FILIP1L: variants seen among roughly 807,000 people sequenced by gnomAD.
FILIP1L encodes the protein filamin A interacting protein 1 like, also known as filamin A-interacting protein 1-like.
In FILIP1L, 55 loss-of-function variants were observed where a neutral mutation model predicts 96.6. That is an observed-to-expected ratio of 0.57 (90% CI 0.46 to 0.71). The LOEUF (loss-of-function observed/expected upper bound fraction) is 0.71. Among genes scored for constraint, FILIP1L ranks in the 30% least tolerant of loss-of-function variants. The pLI is 0.00. For missense variants in FILIP1L, 1,304 were observed against 1,321.2 expected, an observed-to-expected ratio of 0.99 and a Z score of 0.20; for synonymous variants, 467 against 473.9, an observed-to-expected ratio of 0.99 and a Z score of 0.19.
intron 5 of FILIP1L, among the ~76,000 whole-genome samples, chr3:99,846,873 G>T (rs1329424685): frequency 6.6e-6 from 1 of 152,174 alleles, no homozygotes; most frequent in Non-Finnish European, 1.5e-5. Flanking sequence ...TATGAGGTTA[G>T]AAAAAGGGAA....
intron 5 of FILIP1L, among the ~76,000 whole-genome samples, chr3:99,837,301 A>G (rs1256494551): frequency 1.3e-5 from 2 of 152,168 alleles, no homozygotes; most frequent in Admixed American, 6.5e-5. Flanking sequence ...GTTTTTAGTT[A>G]GCTCCTGTTT....
intron 1 of FILIP1L, among the ~76,000 whole-genome samples, chr3:99,950,086 G>A (rs1290132761): frequency 6.6e-6 from 1 of 152,158 alleles, no homozygotes; most frequent in East Asian, 1.9e-4. Context: ...GTGTCACTTA[G>A]TCACTTGGAA....
intron 3 of FILIP1L, among the ~76,000 whole-genome samples, chr3:99,925,224 T>C (rs1270491390): frequency 2.6e-5 from 4 of 152,174 alleles, no homozygotes; most frequent in African/African-American, 9.7e-5. Context: ...AGATAATCTA[T>C]TATGTGTTGG....
intron 1 of FILIP1L, among the ~76,000 whole-genome samples, chr3:99,976,814 A>G (rs1215558310): frequency 1.3e-5 from 2 of 151,970 alleles, no homozygotes; most frequent in Non-Finnish European, 2.9e-5. Flanking sequence ...AAGATGTTTG[A>G]CCATTATCTC....
At chr3:99,886,003 A>T (rs1021582314) in intron 4 of FILIP1L, among the ~76,000 whole-genome samples, 9 of 152,236 alleles carry the variant, frequency 5.9e-5, no homozygotes, top group African/African-American at 2.2e-4. Context: ...ACCTTTGTTG[A>T]TAATGTTTGT....
At chr3:100,041,728 G>C (rs2065207693) in intron 1 of FILIP1L, among the ~76,000 whole-genome samples, 1 of 152,188 alleles carries the variant, frequency 6.6e-6, no homozygotes, top group Non-Finnish European at 1.5e-5. Context: ...TGAAATGGAG[G>C]TATTTTATGT....
At chr3:99,869,927 A>AT (rs1457209371) in intron 4 of FILIP1L, among the ~76,000 whole-genome samples, 1 of 152,164 alleles carries the variant, frequency 6.6e-6, no homozygotes, top group East Asian at 1.9e-4. Context: ...GCTGCTTTAG[A>AT]TACAGTGATT....
At chr3:99,941,197 T>C (rs1268562678) in intron 1 of FILIP1L, among the ~76,000 whole-genome samples, 1 of 152,222 alleles carries the variant, frequency 6.6e-6, no homozygotes, top group Non-Finnish European at 1.5e-5. Context: ...CGTCTTTTTT[T>C]TTTAGACACA....
intron 1 of FILIP1L, among the ~76,000 whole-genome samples, chr3:99,970,460 A>C (rs919666765): frequency 6.6e-6 from 1 of 152,174 alleles, no homozygotes; most frequent in Non-Finnish European, 1.5e-5. Context: ...ATTCTCACAT[A>C]CTCTGTGCTT....
intron 1 of FILIP1L, among the ~76,000 whole-genome samples, chr3:100,092,784 T>C (rs767852125): frequency 6.6e-6 from 1 of 151,584 alleles, no homozygotes; most frequent in Admixed American, 6.6e-5. Flanking sequence ...TTCAGCATCC[T>C]TTAGAATTAA....
chr3:100,090,617 C>T (rs1286286236), intron 1 of FILIP1L, among the ~76,000 whole-genome samples: 2 of 152,178 alleles, frequency 1.3e-5, no homozygotes, highest in African/African-American at 4.8e-5. Context: ...CCAAAGCCTT[C>T]CTGGTGTTGC....
chr3:99,985,294 G>A (rs1484545054), intron 1 of FILIP1L, among the ~76,000 whole-genome samples: 1 of 152,108 alleles, frequency 6.6e-6, no homozygotes, highest in Non-Finnish European at 1.5e-5. Flanking sequence ...CACTTTGGTA[G>A]GCTGAGGTGG....
intron 3 of FILIP1L, among the ~76,000 whole-genome samples, chr3:99,929,097 C>G (rs1387309578): frequency 1.3e-5 from 2 of 152,138 alleles, no homozygotes; most frequent in East Asian, 3.8e-4. Context: ...CTAGTTGTTT[C>G]TTTTCTATAA....
chr3:99,986,616 A>G (rs190688296), intron 1 of FILIP1L, among the ~76,000 whole-genome samples: 3 of 152,112 alleles, frequency 2.0e-5, no homozygotes, highest in African/African-American at 7.2e-5. Context: ...CTGCACATGG[A>G]GAGAAGAAAT....
chr3:99,879,040 C>T (rs2107599388), intron 4 of FILIP1L, among the ~76,000 whole-genome samples: 1 of 152,230 alleles, frequency 6.6e-6, no homozygotes, highest in South Asian at 2.1e-4. Flanking sequence ...TTGTTCTGTC[C>T]AATTACTTTT....
chr3:100,098,579 CT>C (rs1290982167), intron 1 of FILIP1L, among the ~76,000 whole-genome samples: 3 of 152,188 alleles, frequency 2.0e-5, no homozygotes, highest in Admixed American at 2.0e-4. Context: ...TCGGCTCTTG[CT>C]GCTAATCAAT....
intron 4 of FILIP1L, among the ~76,000 whole-genome samples, chr3:99,875,150 A>T (rs1055117076): frequency 1.3e-5 from 2 of 152,204 alleles, no homozygotes; most frequent in East Asian, 3.8e-4. Context: ...AAGTTGACAT[A>T]ACCTTTTTAT....
rs532269590 is a variant in FILIP1L, at chr3:99,921,360, G to A, written c.605+2870C>T. ...ATTTAATACTACTTTGATGCACATG[G>A]CCTTAAAGCAGATAGAAGTCAGTTA... is the stretch of plus-strand genomic sequence containing the variant. On this transcript the variant is annotated intron_variant, in intron 4 of 5. Transcript: ENST00000477258. 1.5e-4 allele frequency among the ~76,000 whole-genome samples: 23 copies of A among 152,200 alleles called. No individual in the cohort carries two copies. The Middle Eastern group carries it at 0.01, about 68-fold the overall frequency.
At chr3:100,054,485 ATGTTT>A (rs1559741083) in intron 1 of FILIP1L, among the ~76,000 whole-genome samples, 2 of 126,332 alleles carry the variant, frequency 1.6e-5, no homozygotes, top group South Asian at 2.8e-4. Flanking sequence ...ATATTATGTT[ATGTTT>A]TGTTATGTTA....
Sources: allele counts gnomAD v4.1 joint callset (sites outside exome capture counted in the v4.1 genomes callset), GRCh38; gene constraint gnomAD v4.1.1; transcripts MANE v1.5; gene names NCBI Gene and HGNC (gene_info 2026-07-23, HGNC 2026-07-21).